Variants in TENM4 observed in about 807,000 individuals in gnomAD.
TENM4 encodes teneurin-4.
A neutral mutation model predicts 243.3 loss-of-function variants in TENM4; 82 were observed. That is an observed-to-expected ratio of 0.34 (90% CI 0.28 to 0.40). The LOEUF (loss-of-function observed/expected upper bound fraction) is 0.40. TENM4 is among the 10% of genes least tolerant of loss of function. TENM4 has a pLI of 1.00. For synonymous variants in TENM4, 1,412 were observed against 1,456.3 expected, an observed-to-expected ratio of 0.97 and a Z score of 0.69; for missense variants, 3,138 against 3,673.3, an observed-to-expected ratio of 0.85 and a Z score of 3.77.
At chr11:79,096,449 C>T (rs1861076962) in intron 4 of TENM4, 1 of 152,436 alleles carries the variant, frequency 6.6e-6, no homozygotes, top group African/African-American at 2.4e-5. Context: ...CTCAGGATGG[C>T]CTGCCAATCC....
At chr11:78,722,986 A>C in intron 23 of TENM4, 69 bp from the exon 24 acceptor site, 1 of 1,581,404 alleles carries the variant, frequency 6.3e-7, no homozygotes, top group South Asian at 1.1e-5. Context: ...GGTTGACCAC[A>C]GAGTCACCTG....
At chr11:79,121,194 CTTTCTTGTTTACAT>C in intron 4 of TENM4, among the ~76,000 whole-genome samples, 3 of 14,900 alleles carry the variant, frequency 2.0e-4, no homozygotes, top group African/African-American at 2.7e-4. Context: ...TTTACATAGG[CTTTCTTGTTTACAT>C]AGGCTTTCTA....
At chr11:79,144,884 A>C (rs1862368436) in intron 4 of TENM4, among the ~76,000 whole-genome samples, 1 of 152,102 alleles carries the variant, frequency 6.6e-6, no homozygotes, top group Non-Finnish European at 1.5e-5. Context: ...GGTTGATTAC[A>C]GTCAACAATA....
chr11:79,163,778 TACATATATATATACACACAC>T (rs1330683104), intron 3 of TENM4, among the ~76,000 whole-genome samples: 35 of 97,884 alleles, frequency 3.6e-4, no homozygotes, highest in Admixed American at 5.5e-4. Flanking sequence ...TACACACACA[TACATATATATATACACACAC>T]ATATATATAC....
intron 1 of TENM4, among the ~76,000 whole-genome samples, chr11:79,357,582 C>T (rs532716801): frequency 1.7e-3 from 252 of 152,304 alleles, no homozygotes; most frequent in Non-Finnish European, 2.7e-3. Context: ...GGTACCCCAA[C>T]CTGATCATAA....
chr11:79,289,739 T>C (rs1403263111), intron 2 of TENM4, among the ~76,000 whole-genome samples: 2 of 152,246 alleles, frequency 1.3e-5, no homozygotes, highest in African/African-American at 4.8e-5. Context: ...TTGCCATTCC[T>C]GCACAAACTA....
chr11:79,070,111 C>T (rs1255806708), intron 4 of TENM4, 102 bp from the exon 5 acceptor site: 54 of 1,376,218 alleles, frequency 3.9e-5, no homozygotes, highest in Non-Finnish European at 5.1e-5. Context: ...ACAGAGAACC[C>T]CAGGCAGTGG....
At chr11:79,417,410 C>T (rs920606726) in intron 1 of TENM4, among the ~76,000 whole-genome samples, 2 of 152,012 alleles carry the variant, frequency 1.3e-5, no homozygotes, top group Non-Finnish European at 2.9e-5. Flanking sequence ...GCCCAGATGC[C>T]GTTGTTTGGA....
chr11:79,291,304 C>T (rs895172911), intron 2 of TENM4, among the ~76,000 whole-genome samples: 1 of 152,196 alleles, frequency 6.6e-6, no homozygotes, highest in South Asian at 2.1e-4. Flanking sequence ...AGTTAGGATG[C>T]AGCTGGCATG....
intron 25 of TENM4, among the ~76,000 whole-genome samples, chr11:78,717,931 G>A (rs557980699): frequency 3.3e-5 from 5 of 152,318 alleles, no homozygotes; most frequent in Non-Finnish European, 7.3e-5. Context: ...AGTCTGTAGA[G>A]GAAGATGCCC....
In TENM4 at chr11:78,806,404, C is replaced by T. The variant is rs139872467; in HGVS notation, c.1979-912G>A. Among the ~76,000 whole-genome samples the T allele has an allele frequency of 7.2e-5, 11 of 152,326 alleles. No homozygotes were observed. The East Asian group carries it at 2.1e-3, about 29-fold the overall frequency. The stretch of plus-strand genomic sequence containing the variant: ...GCTTCTCCTCATGTGGTAGGTGAGT[C>T]ACATAGTGGTGGCTCACAGCCAGGC... On this transcript the variant is annotated intron_variant, in intron 14 of 33. Transcript: ENST00000278550.
chr11:79,388,991 GA>G (rs1383704282), intron 1 of TENM4, among the ~76,000 whole-genome samples: 2 of 152,212 alleles, frequency 1.3e-5, no homozygotes, highest in African/African-American at 4.8e-5. Flanking sequence ...GAAGAGCCAG[GA>G]AAAGAGGTTG....
chr11:79,397,411 G>A (rs144958614), intron 1 of TENM4, among the ~76,000 whole-genome samples: 137 of 152,268 alleles, frequency 9.0e-4, no homozygotes, highest in South Asian at 3.9e-3. Context: ...CCAGTTCTGA[G>A]TGACTCAAAG....
At chr11:78,826,253 A>C (rs1857848015) in intron 12 of TENM4, among the ~76,000 whole-genome samples, 1 of 151,776 alleles carries the variant, frequency 6.6e-6, no homozygotes, top group Non-Finnish European at 1.5e-5. Context: ...ACGCCTGGCT[A>C]ATTTTTTGTA....
At chr11:78,761,254 T>C (rs1358892642) in intron 18 of TENM4, among the ~76,000 whole-genome samples, 1 of 152,124 alleles carries the variant, frequency 6.6e-6, no homozygotes, top group Non-Finnish European at 1.5e-5. Flanking sequence ...TTTCTTTTTT[T>C]TTTGAGACGT....
intron 3 of TENM4, among the ~76,000 whole-genome samples, chr11:79,162,058 C>T (rs950840838): frequency 6.6e-6 from 1 of 152,196 alleles, no homozygotes; most frequent in Non-Finnish European, 1.5e-5. Flanking sequence ...ATGAAGTGGC[C>T]TATGGAAAGC....
At chr11:79,027,063 T>C (rs867463362) in intron 6 of TENM4, among the ~76,000 whole-genome samples, 4 of 152,182 alleles carry the variant, frequency 2.6e-5, no homozygotes, top group South Asian at 2.1e-4. Flanking sequence ...AGGGGTTAAG[T>C]GCTGAGCGTG....
Position 79,162,247 on chromosome 11 carries a change from C to A in TENM4, c.-162-13441G>T, listed in dbSNP as rs558132272. Among the ~76,000 whole-genome samples, 3 of 152,322 alleles carry A rather than the reference C, an allele frequency of 2.0e-5. No individual in the cohort carries two copies. In the South Asian group the frequency reaches 6.2e-4, roughly 32 times the overall value. ...AGACCACCTGGCATTAAATCCTAGT[C>A]TTCCAGTTACTAGTTCTGTGATATG... On this transcript the variant is annotated intron_variant, in intron 3 of 33. Transcript: ENST00000278550.
chr11:78,994,644 C>T (rs559412706), intron 6 of TENM4, among the ~76,000 whole-genome samples: 1 of 152,134 alleles, frequency 6.6e-6, no homozygotes, highest in Non-Finnish European at 1.5e-5. Context: ...TAGTCCAATT[C>T]CAGTTATTCT....
Sources: gnomAD v4.1 joint callset for allele counts (sites outside exome capture counted in the v4.1 genomes callset) on GRCh38, gnomAD v4.1.1 for gene constraint, MANE v1.5 for transcripts, NCBI Gene and HGNC (gene_info 2026-07-23, HGNC 2026-07-21) for gene names.